The following TECTA variants were observed in gnomAD, a reference collection of about 807,000 sequenced individuals.
The protein encoded by TECTA is tectorin alpha.
A neutral mutation model predicts 216.8 loss-of-function variants in TECTA; 128 were observed. That is an observed-to-expected ratio of 0.59 (90% CI 0.51 to 0.68). The LOEUF is 0.68. TECTA is among the 30% of genes least tolerant of loss of function. The pLI is 0.00. For missense variants in TECTA, 2,551 were observed against 2,786.2 expected, an observed-to-expected ratio of 0.92 and a Z score of 1.90; for synonymous variants, 1,089 against 1,117.1, an observed-to-expected ratio of 0.97 and a Z score of 0.50.
chr11:121,159,792 G>A lies in TECTA; in HGVS notation c.4690-343G>A, dbSNP rs112372083. Among the ~76,000 whole-genome samples, 14 of 152,312 alleles carry A rather than the reference G, an allele frequency of 9.2e-5. 1 individual carries two copies. The highest frequency in any genetic ancestry group is 3.1e-4 in the African/African-American group (13 of 41,566). ...TCATTGTGGGTTATACTTTTCTAAGGTTTCCTTATCTCTCACCTCCTCTCC... is the reference window on the plus strand; with the variant it reads ...TCATTGTGGGTTATACTTTTCTAAGATTTCCTTATCTCTCACCTCCTCTCC... On this transcript the variant is annotated intron_variant, in intron 14 of 23. Transcript: ENST00000392793.
At chr11:121,180,992 C>A (rs1947222693) in intron 20 of TECTA, among the ~76,000 whole-genome samples, 1 of 151,784 alleles carries the variant, frequency 6.6e-6, no homozygotes, top group Admixed American at 6.6e-5. Flanking sequence ...ACAGTGAAAC[C>A]CTGTCTCTAC....
chr11:121,103,168 A>G (rs973043392), intron 2 of TECTA, among the ~76,000 whole-genome samples: 1 of 152,188 alleles, frequency 6.6e-6, no homozygotes, highest in Non-Finnish European at 1.5e-5. Context: ...TTTGTGTATC[A>G]GTGACCTTTT....
intron 10 of TECTA, among the ~76,000 whole-genome samples, chr11:121,134,535 C>T (rs1946707054): frequency 6.6e-6 from 1 of 152,058 alleles, no homozygotes; most frequent in Non-Finnish European, 1.5e-5. Context: ...TTCTGTCGGC[C>T]ACCACATCCG....
intron 20 of TECTA, among the ~76,000 whole-genome samples, chr11:121,170,476 T>C (rs1450621832): frequency 1.3e-5 from 2 of 152,198 alleles, no homozygotes; most frequent in African/African-American, 4.8e-5. Flanking sequence ...TTGTTTTGCA[T>C]GTGTGTGTGC....
Position 121,118,616 on chromosome 11 carries a change from T to C in TECTA, c.1101T>C (p.Asn367=). The C allele has an allele frequency of 6.2e-7, 1 of 1,614,126 alleles. No homozygotes were observed. Among genetic ancestry groups the C allele is most frequent in the East Asian group, 2.2e-5 (1 of 44,876 alleles). Reference sequence around the variant, plus strand: ...CTTTCTTCAGTGTGGAGGCCAAGAATGAACACCGCAGAGGTTCAGCCGTCT... The same window carrying C: ...CTTTCTTCAGTGTGGAGGCCAAGAACGAACACCGCAGAGGTTCAGCCGTCT... The part of the protein sequence containing the change: ...SLPFFSVEAK[N]EHRRGSAVSW... The change falls in exon 7 of 24, where the codon AAT becomes AAC. Residue 367 remains asparagine, a synonymous_variant. Transcript: ENST00000392793.
intron 13 of TECTA, among the ~76,000 whole-genome samples, chr11:121,154,165 A>C (rs1365566639): frequency 6.6e-6 from 1 of 152,234 alleles, no homozygotes; most frequent in Non-Finnish European, 1.5e-5. Flanking sequence ...AATAAATCTA[A>C]TTGAAATGTC....
At chr11:121,186,087 A>G (rs11218192) in intron 20 of TECTA, among the ~76,000 whole-genome samples, 13 of 109,004 alleles carry the variant, frequency 1.2e-4, no homozygotes, top group African/African-American at 3.8e-4. Context: ...CAGATGTTCA[A>G]TGCTTAATGA....
rs147487146 is a variant in TECTA at position 121,132,317 on chromosome 11, A to G, written c.2941+2106A>G. Among the ~76,000 whole-genome samples the G allele has an allele frequency of 2.5e-3, 379 of 152,328 alleles. 3 individuals carry two copies. The highest frequency in any genetic ancestry group is 8.4e-3 in the African/African-American group (350 of 41,564). On this transcript the variant is annotated intron_variant, in intron 10 of 23. Transcript: ENST00000392793. ...TGCTCAAATTGTTCCATATACGGCC[A>G]GTGGGAGTCCCCTCCAGCAATGGTT...
intron 11 of TECTA, among the ~76,000 whole-genome samples, chr11:121,143,453 T>G (rs907528512): frequency 6.6e-6 from 1 of 152,268 alleles, no homozygotes; most frequent in African/African-American, 2.4e-5. Flanking sequence ...GTGGGCATTG[T>G]CTTCTGCAGG....
At chr11:121,162,537 C>T (rs996779348) in intron 16 of TECTA, among the ~76,000 whole-genome samples, 167 bp downstream of exon 16, 4 of 152,204 alleles carry the variant, frequency 2.6e-5, no homozygotes, top group Non-Finnish European at 4.4e-5. Flanking sequence ...GATTCAGTGA[C>T]GGGCCCCTCC....
chr11:121,179,712 G>A (rs1250232778), intron 20 of TECTA, among the ~76,000 whole-genome samples: 3 of 151,990 alleles, frequency 2.0e-5, no homozygotes, highest in Non-Finnish European at 2.9e-5. Context: ...ATGTTGGATG[G>A]ATATATATTT....
chr11:121,138,720 C>T (rs1946755740), intron 11 of TECTA, among the ~76,000 whole-genome samples: 1 of 152,202 alleles, frequency 6.6e-6, no homozygotes, highest in South Asian at 2.1e-4. Flanking sequence ...CTGTGCACTC[C>T]TCGTCTGGCC....
chr11:121,130,952 C>T (rs529749771), intron 10 of TECTA, among the ~76,000 whole-genome samples: 10 of 148,058 alleles, frequency 6.8e-5, no homozygotes, highest in African/African-American at 2.4e-4. Flanking sequence ...TGGTGGCTCA[C>T]GCCTGGAATC....
intron 1 of TECTA, among the ~76,000 whole-genome samples, chr11:121,101,960 A>C (rs1479032568): frequency 6.6e-6 from 1 of 152,204 alleles, no homozygotes; most frequent in Admixed American, 6.5e-5. Flanking sequence ...TCCTTCTTTA[A>C]TTAACTTGCT....
chr11:121,134,181 G>C (rs2135090943), intron 10 of TECTA, among the ~76,000 whole-genome samples: 1 of 152,152 alleles, frequency 6.6e-6, no homozygotes, highest in East Asian at 1.9e-4. Context: ...CCTGCCCCAT[G>C]CTGGAATCAG....
intron 20 of TECTA, among the ~76,000 whole-genome samples, chr11:121,172,941 G>A (rs1476676307): frequency 2.0e-5 from 3 of 149,620 alleles, no homozygotes; most frequent in Admixed American, 6.6e-5. Context: ...GATGGCCAGT[G>A]ATGGTGAGCA....
intron 9 of TECTA, among the ~76,000 whole-genome samples, chr11:121,129,085 G>A (rs1946645579): frequency 6.6e-6 from 1 of 152,154 alleles, no homozygotes. Flanking sequence ...ACTGCCCAAG[G>A]AGATAATAAA....
At position 121,146,167 on chromosome 11, in the gene TECTA, C is replaced by T; in HGVS notation, c.4105+51C>T. 2.5e-6 allele frequency: 4 copies of T among 1,592,476 alleles called. No individual in the cohort carries two copies. The South Asian group carries it at 3.3e-5, about 13-fold the overall frequency. On this transcript the variant is annotated intron_variant, in intron 12 of 23. Coordinates refer to ENST00000392793, the MANE Select transcript of TECTA (RefSeq NM_005422.4). ...TGTAGCTTCTCCTCTTTCTTGATTGCTCTGGGAAGGCCAGTCTTCCAACTC... is the reference window on the plus strand; with the variant it reads ...TGTAGCTTCTCCTCTTTCTTGATTGTTCTGGGAAGGCCAGTCTTCCAACTC...
intron 6 of TECTA, among the ~76,000 whole-genome samples, chr11:121,115,453 T>C (rs1946492576): frequency 6.6e-6 from 1 of 152,184 alleles, no homozygotes; most frequent in African/African-American, 2.4e-5. Flanking sequence ...AGACATATTA[T>C]GGTAGACACT....
Sources: gnomAD v4.1 joint callset for allele counts (sites outside exome capture counted in the v4.1 genomes callset) on GRCh38, gnomAD v4.1.1 for gene constraint, MANE v1.5 for transcripts, NCBI Gene and HGNC (gene_info 2026-07-23, HGNC 2026-07-21) for gene names.